RILPL1: variants seen among roughly 807,000 people sequenced by gnomAD.
RILPL1 encodes the protein RILP-like protein 1.
RILPL1 carries 33 observed loss-of-function variants against 50.3 expected under a neutral mutation model. That is an observed-to-expected ratio of 0.66 (90% CI 0.50 to 0.88). The LOEUF (loss-of-function observed/expected upper bound fraction) is 0.88. Ranked by LOEUF, RILPL1 falls within the 40% of genes least tolerant of loss-of-function variation. The probability of loss-of-function intolerance (pLI) is 0.00; values close to 1 mark genes in which losing one functional copy is unlikely to be tolerated. For synonymous variants in RILPL1, 205 were observed against 228.6 expected, an observed-to-expected ratio of 0.90 and a Z score of 0.93; for missense variants, 418 against 542.5, an observed-to-expected ratio of 0.77 and a Z score of 2.28.
Position 123,485,331 on chromosome 12 carries a change from AAG to A in RILPL1, c.974+300_974+301del. ...TTTCATTCATTCATTCATTTAAAAA[AAG>A]AGATGAGGTCTCGCTTTGTTGCCCA... On this transcript the variant is annotated intron_variant, in intron 5 of 6. Transcript: ENST00000376874. The surrounding 1 kb of genome is among the most constrained non-coding windows in gnomAD (Gnocchi z 4.0). 3 of 492,190 alleles carry A rather than the reference AAG, an allele frequency of 6.1e-6. No homozygotes were observed. The highest frequency in any genetic ancestry group is 5.0e-5 in the South Asian group (3 of 59,934). The allele number at this position is 492,190 out of a possible 1,614,324, so 30.5% of individuals were successfully genotyped here. A position where few individuals can be genotyped will look rare whatever the true frequency, so the allele number is the denominator to read the frequency against.
chr12:123,509,540 G>A (rs551933091), intron 2 of RILPL1, among the ~76,000 whole-genome samples: 29 of 147,702 alleles, frequency 2.0e-4, no homozygotes, highest in African/African-American at 7.0e-4. Flanking sequence ...TCCAGCCCGA[G>A]TAACAAGAGC....
intron 2 of RILPL1, chr12:123,515,386 G>A (rs946271779): frequency 6.6e-6 from 1 of 151,626 alleles, no homozygotes; most frequent in African/African-American, 2.4e-5. Context: ...GGAGTGTCAC[G>A]TTTTGTGCTT....
At chr12:123,532,923 C>T (rs1464115477) in intron 1 of RILPL1, among the ~76,000 whole-genome samples, 1 of 152,146 alleles carries the variant, frequency 6.6e-6, no homozygotes, top group East Asian at 1.9e-4. Context: ...TACCTAAAGT[C>T]ACACAGCTAT....
intron 2 of RILPL1, among the ~76,000 whole-genome samples, chr12:123,502,132 A>T (rs74600146): frequency 0.069 from 10,492 of 151,930 alleles, 1,140 homozygotes; most frequent in African/African-American, 0.23. Context: ...GAGCGTTGCA[A>T]TGGGAATCCA....
At chr12:123,518,078 G>A (rs1884809335) in intron 2 of RILPL1, among the ~76,000 whole-genome samples, 1 of 152,198 alleles carries the variant, frequency 6.6e-6, no homozygotes, top group African/African-American at 2.4e-5. Flanking sequence ...ATGGCGTGGT[G>A]GGTGGGAAAT....
intron 4 of RILPL1, among the ~76,000 whole-genome samples, chr12:123,495,210 G>A (rs1462497459): frequency 1.3e-5 from 2 of 152,104 alleles, no homozygotes; most frequent in Admixed American, 1.3e-4. Context: ...CTGTAGGCAA[G>A]AGCCTGGCTG....
At chr12:123,512,740 AGTTT>A (rs1228013265) in intron 2 of RILPL1, among the ~76,000 whole-genome samples, 2 of 34,046 alleles carry the variant, frequency 5.9e-5, no homozygotes, top group African/African-American at 2.4e-4. Flanking sequence ...TGGTGTGTGA[AGTTT>A]GTGTGTGTGT....
At chr12:123,481,855 C>T (rs1274380850) in intron 6 of RILPL1, among the ~76,000 whole-genome samples, 2 of 151,722 alleles carry the variant, frequency 1.3e-5, no homozygotes, top group Non-Finnish European at 2.9e-5. Flanking sequence ...CCGAGCCCAG[C>T]CCCAAATTTG....
In RILPL1 at chr12:123,533,557, C is replaced by T. The variant is rs1391161083; in HGVS notation, c.-75G>A. On this transcript the variant is annotated 5_prime_UTR_variant, in exon 1 of 7. Coordinates refer to ENST00000376874, the MANE Select transcript of RILPL1 (RefSeq NM_178314.5). The surrounding 1 kb of genome is among the most constrained non-coding windows in gnomAD (Gnocchi z 6.2). The stretch of plus-strand genomic sequence containing the variant: ...AACTTGCCGCTGTCGAGGGCCGGGC[C>T]GGCCGGGCCCAGCCTGGGCCGCGGG... 7.7e-6 allele frequency: 10 copies of T among 1,306,412 alleles called. No individual in the cohort carries two copies. The highest frequency in any genetic ancestry group is 9.9e-6 in the Non-Finnish European group (10 of 1,006,200). 80.9% of individuals were successfully genotyped at this position (1,306,412 alleles called of 1,614,324 possible).
chr12:123,529,801 G>C (rs957785210), intron 1 of RILPL1, among the ~76,000 whole-genome samples: 6 of 149,854 alleles, frequency 4.0e-5, no homozygotes, highest in Non-Finnish European at 7.4e-5. Flanking sequence ...TTGAATCCAG[G>C]TGTTCAGGGC....
At chr12:123,508,696 A>C (rs1278808722) in intron 2 of RILPL1, among the ~76,000 whole-genome samples, 1 of 151,936 alleles carries the variant, frequency 6.6e-6, no homozygotes, top group Admixed American at 6.6e-5. Context: ...CTTCACTCTA[A>C]GTTATACCTC....
chr12:123,506,813 G>A (rs1354378999), intron 2 of RILPL1, among the ~76,000 whole-genome samples: 1 of 152,144 alleles, frequency 6.6e-6, no homozygotes, highest in Admixed American at 6.6e-5. Flanking sequence ...CCATGAAACT[G>A]GATGGTGCAT....
intron 6 of RILPL1, 185 bp from the exon 7 acceptor site, chr12:123,472,867 T>C (rs1029682087): frequency 2.0e-5 from 12 of 613,504 alleles, no homozygotes; most frequent in Non-Finnish European, 3.4e-5. Flanking sequence ...ATTCTGCGTG[T>C]CATTTGGACA....
At chr12:123,492,725 T>C (rs893375253) in intron 4 of RILPL1, among the ~76,000 whole-genome samples, 5 of 152,190 alleles carry the variant, frequency 3.3e-5, no homozygotes, top group African/African-American at 1.2e-4. Context: ...TGTTCTGTAC[T>C]AAGAAAAATT....
intron 6 of RILPL1, 104 bp from the exon 7 acceptor site, chr12:123,472,786 CA>C (rs780064857): frequency 2.7e-5 from 33 of 1,232,914 alleles, no homozygotes; most frequent in Non-Finnish European, 3.6e-5. Context: ...TAGAAGGGAG[CA>C]AATCAATTCA....
chr12:123,505,009 C>A (rs1883643653), intron 2 of RILPL1, among the ~76,000 whole-genome samples: 1 of 151,846 alleles, frequency 6.6e-6, no homozygotes, highest in Non-Finnish European at 1.5e-5. Context: ...TGTGTACCCC[C>A]ATCAGAATGT....
chr12:123,519,068 AAAAAAAG>A (rs1327206425), intron 2 of RILPL1, among the ~76,000 whole-genome samples: 2 of 149,040 alleles, frequency 1.3e-5, no homozygotes, highest in African/African-American at 2.5e-5. Flanking sequence ...AAAAAAAAAA[AAAAAAAG>A]AAAAGAAAAA....
intron 6 of RILPL1, chr12:123,475,527 C>A: frequency 3.0e-6 from 2 of 657,528 alleles, no homozygotes; most frequent in Non-Finnish European, 5.5e-6. Flanking sequence ...ACTCAACATC[C>A]ACGTCAAATG....
At position 123,485,401 on chromosome 12, in the gene RILPL1, G is replaced by A. The variant is rs542810015; in HGVS notation, c.974+232C>T. On this transcript the variant is annotated intron_variant, in intron 5 of 6. Transcript: ENST00000376874. This position sits in a 1 kb window ranked among gnomAD's most constrained non-coding sequence, Gnocchi z 4.0. ...TGGGATCAAGCAATCTTCCCGCCTC[G>A]GCCTCCCAAAATACTGGAATTAAAG... 1.1e-4 allele frequency among the ~76,000 whole-genome samples: 16 copies of A among 152,234 alleles called. No homozygotes were observed. The East Asian group carries it at 1.9e-3, about 18-fold the overall frequency.
Sources: allele counts gnomAD v4.1 joint callset (sites outside exome capture counted in the v4.1 genomes callset), GRCh38; gene constraint gnomAD v4.1.1; non-coding constraint Gnocchi (gnomAD v3.1); transcripts MANE v1.5; gene names NCBI Gene and HGNC (gene_info 2026-07-23, HGNC 2026-07-21).